The following DUSP22 variants were observed in gnomAD, a reference collection of about 807,000 sequenced individuals.
DUSP22 encodes dual specificity protein phosphatase 22.
DUSP22 carries 24 observed loss-of-function variants against 24.5 expected under a neutral mutation model. The ratio of observed to expected loss-of-function variants is 0.98; its 90% CI spans 0.71 to 1.38. The LOEUF is 1.38. Ranked by LOEUF, DUSP22 falls within the 40% of genes most tolerant of loss-of-function variation. The pLI, the probability that DUSP22 is intolerant of heterozygous loss-of-function variation, is 0.00. For synonymous variants in DUSP22, 160 were observed against 106.4 expected (o/e 1.50, Z -3.10); for missense variants, 330 against 269.2 (o/e 1.23, Z -1.58).
intron 3 of DUSP22, among the ~76,000 whole-genome samples, chr6:334,826 T>C (rs1291057972): frequency 2.0e-5 from 3 of 152,306 alleles, no homozygotes; most frequent in East Asian, 1.9e-4. Flanking sequence ...TAGTTGAAAC[T>C]TACTGAAAAG....
chr6:327,309 A>G (rs1302422646), intron 3 of DUSP22, among the ~76,000 whole-genome samples: 1 of 152,308 alleles, frequency 6.6e-6, no homozygotes, highest in Non-Finnish European at 1.5e-5. Context: ...CACGTCCAGC[A>G]GAGCCCCATT....
chr6:319,268 G>A (rs1183004381), intron 3 of DUSP22, among the ~76,000 whole-genome samples: 23 of 152,296 alleles, frequency 1.5e-4, no homozygotes, highest in Admixed American at 1.5e-3. Flanking sequence ...GGTAATGACA[G>A]GTAGATTTCA....
chr6:307,531 G>C (rs1346298332), intron 2 of DUSP22, among the ~76,000 whole-genome samples: 1 of 152,306 alleles, frequency 6.6e-6, no homozygotes, highest in Non-Finnish European at 1.5e-5. Context: ...TTTGGTGAGA[G>C]CCTCTCTGTT....
chr6:304,502 A>G (rs1235091835), intron 1 of DUSP22, 126 bp from the exon 2 acceptor site: 4 of 1,387,682 alleles, frequency 2.9e-6, no homozygotes, highest in Non-Finnish European at 4.1e-6. Flanking sequence ...CGTGTCTGTC[A>G]GGGAGGTGCT....
At position 351,179 on chromosome 6, in the gene DUSP22, TC is replaced by T; in HGVS notation, c.*2231del. 2.3e-6 allele frequency: 1 copy of T among 440,920 alleles called. No homozygotes were observed. The highest frequency in any genetic ancestry group is 4.1e-6 in the Non-Finnish European group (1 of 243,958). 27.3% of individuals were successfully genotyped at this position (440,920 alleles called of 1,614,324 possible). On this transcript the variant is annotated 3_prime_UTR_variant, in exon 7 of 7. Transcript: ENST00000419235. ...CTCGTGATTGCTTCCTGTGAACGCCTCCCAAGGACGAGCCCAGTGTAGTTGT... is the reference window on the plus strand; with the variant it reads ...CTCGTGATTGCTTCCTGTGAACGCCTCCAAGGACGAGCCCAGTGTAGTTGT...
At chr6:330,935 G>A (rs1014676122) in intron 3 of DUSP22, among the ~76,000 whole-genome samples, 32 of 152,414 alleles carry the variant, frequency 2.1e-4, no homozygotes, top group Admixed American at 5.9e-4. Context: ...AGTAATATAC[G>A]GTGTACACCT....
intron 6 of DUSP22, chr6:348,494 C>T: frequency 1.2e-6 from 1 of 864,252 alleles, no homozygotes; most frequent in Non-Finnish European, 1.8e-6. Flanking sequence ...CTCCTTGTGC[C>T]TGGTACTCCC....
rs928196896 is a variant in DUSP22 at position 299,822 on chromosome 6, C to T, written c.22-4806C>T. Reference sequence around the variant, plus strand: ...CCACAGGTGTGGCCGGGCACCGTTTCGCATGTGGAAGTCCACTCAGGGCAG... The same window carrying T: ...CCACAGGTGTGGCCGGGCACCGTTTTGCATGTGGAAGTCCACTCAGGGCAG... On this transcript the variant is annotated intron_variant, in intron 1 of 6. Transcript: ENST00000419235. Among the ~76,000 whole-genome samples, 26 of 152,414 alleles carry T rather than the reference C, an allele frequency of 1.7e-4. No homozygotes were observed. In the East Asian group the frequency reaches 2.1e-3, roughly 12 times the overall value.
intron 2 of DUSP22, among the ~76,000 whole-genome samples, chr6:310,438 A>G (rs539076953): frequency 6.6e-6 from 1 of 152,426 alleles, no homozygotes; most frequent in South Asian, 2.1e-4. Context: ...GCAGGTAGGG[A>G]CATTGGAAGG....
chr6:342,168 G>A (rs901068028), intron 4 of DUSP22, among the ~76,000 whole-genome samples: 20 of 152,308 alleles, frequency 1.3e-4, no homozygotes, highest in South Asian at 4.1e-4. Flanking sequence ...TCATGTTGCT[G>A]TGTGGTCTTT....
chr6:339,154 A>T (rs2127416520), intron 4 of DUSP22, among the ~76,000 whole-genome samples: 1 of 152,426 alleles, frequency 6.6e-6, no homozygotes, highest in African/African-American at 2.4e-5. Flanking sequence ...GGCGTCCTAG[A>T]GTTTGTATCA....
intron 2 of DUSP22, among the ~76,000 whole-genome samples, chr6:306,750 A>G (rs1202263111): frequency 6.6e-6 from 1 of 152,310 alleles, no homozygotes; most frequent in Non-Finnish European, 1.5e-5. Context: ...TCGGGAACAC[A>G]CGATGTGCTG....
At chr6:292,857 G>C (rs1321897663) in intron 1 of DUSP22, among the ~76,000 whole-genome samples, 4 of 152,280 alleles carry the variant, frequency 2.6e-5, no homozygotes, top group African/African-American at 9.6e-5. Context: ...TTGTTCTGCC[G>C]AGAGGTCAGC....
rs1760130959 is a variant in DUSP22 at position 350,236 on chromosome 6, T to C, written c.*1285T>C. 4.0e-6 allele frequency: 4 copies of C among 988,006 alleles called. No individual in the cohort carries two copies. The highest frequency in any genetic ancestry group is 4.8e-6 in the Non-Finnish European group (4 of 831,748). 61.2% of individuals were successfully genotyped at this position (988,006 alleles called of 1,614,324 possible). On this transcript the variant is annotated 3_prime_UTR_variant, in exon 7 of 7. Transcript: ENST00000419235. Reference sequence around the variant, plus strand: ...GCTATTTAAAGTTGCCAGTTTGGGCTCCAGTAATGCTTTCTGGTGGGTAAA... The same window carrying C: ...GCTATTTAAAGTTGCCAGTTTGGGCCCCAGTAATGCTTTCTGGTGGGTAAA...
intron 4 of DUSP22, among the ~76,000 whole-genome samples, chr6:339,241 T>C (rs1289100824): frequency 2.0e-5 from 3 of 152,308 alleles, no homozygotes; most frequent in African/African-American, 7.2e-5. Flanking sequence ...AATACTCACT[T>C]GCTTTTGCTT....
Position 349,967 on chromosome 6 carries a change from A to C in DUSP22, c.*1016A>C. The C allele has an allele frequency of 2.0e-6, 2 of 985,774 alleles. No homozygotes were observed. The highest frequency in any genetic ancestry group is 2.4e-6 in the Non-Finnish European group (2 of 830,060). The allele number at this position is 985,774 out of a possible 1,614,324, so 61.1% of individuals were successfully genotyped here. ...GCAGGGGCTCCTCCTCAACATTTGCATGCACCTGCAAGAATTGGGAAGAAA... is the reference window on the plus strand; with the variant it reads ...GCAGGGGCTCCTCCTCAACATTTGCCTGCACCTGCAAGAATTGGGAAGAAA... On this transcript the variant is annotated 3_prime_UTR_variant, in exon 7 of 7. Coordinates refer to ENST00000419235, the MANE Select transcript of DUSP22 (RefSeq NM_001286555.3).
intron 4 of DUSP22, among the ~76,000 whole-genome samples, chr6:340,253 C>T (rs1472326975): frequency 1.3e-5 from 2 of 152,308 alleles, no homozygotes; most frequent in African/African-American, 2.4e-5. Flanking sequence ...CTGATACAAA[C>T]GTGGGCTGGT....
At chr6:325,196 CA>C (rs1581171100) in intron 3 of DUSP22, 1 of 233,846 alleles carries the variant, frequency 4.3e-6, no homozygotes, top group East Asian at 1.6e-4. Context: ...CCTGGAGAGT[CA>C]TCTGCCCTGG....
At chr6:339,848 A>C (rs1425460280) in intron 4 of DUSP22, among the ~76,000 whole-genome samples, 1 of 152,250 alleles carries the variant, frequency 6.6e-6, no homozygotes, top group Admixed American at 6.5e-5. Flanking sequence ...TTTTTCTTTT[A>C]TTTTATTATA....
Sources: allele counts gnomAD v4.1 joint callset (sites outside exome capture counted in the v4.1 genomes callset), GRCh38; gene constraint gnomAD v4.1.1; transcripts MANE v1.5; gene names NCBI Gene and HGNC (gene_info 2026-07-23, HGNC 2026-07-21).